ADAMTS2: variants seen among roughly 807,000 people sequenced by gnomAD.
The protein encoded by ADAMTS2 is A disintegrin and metalloproteinase with thrombospondin motifs 2.
Under a neutral mutation model 123.0 loss-of-function variants are expected in ADAMTS2, and 50 were observed. That is an observed-to-expected ratio of 0.41 (90% confidence interval 0.32 to 0.51). ADAMTS2 has a LOEUF of 0.51. Ranked by LOEUF, ADAMTS2 falls within the 20% of genes least tolerant of loss-of-function variation. The pLI, the probability that ADAMTS2 is intolerant of heterozygous loss-of-function variation, is 0.35. For missense variants in ADAMTS2, 1,494 were observed against 1,705.2 expected (o/e 0.88, Z 2.18); for synonymous variants, 678 against 695.4 (o/e 0.98, Z 0.39).
chr5:179,134,878 T>C (rs1314076035), intron 13 of ADAMTS2, among the ~76,000 whole-genome samples: 12 of 45,044 alleles, frequency 2.7e-4, no homozygotes, highest in South Asian at 8.3e-4. Context: ...CGGGTCCAGC[T>C]CCCGGCTCCA....
chr5:179,149,222 G>A (rs1052118813), intron 10 of ADAMTS2, among the ~76,000 whole-genome samples: 1 of 152,138 alleles, frequency 6.6e-6, no homozygotes, highest in Non-Finnish European at 1.5e-5. Flanking sequence ...GAGTGGGACT[G>A]ATGTCCTCAT....
chr5:179,256,206 C>T lies in ADAMTS2; in HGVS notation c.688+16705G>A, dbSNP rs950145783. ...CTTTCGCACAGGGCCCAGCAGCCAG[C>T]TCAGCCCACAGAACAGTAAGCCGCC... On this transcript the variant is annotated intron_variant, in intron 3 of 21. Coordinates refer to ENST00000251582, the MANE Select transcript of ADAMTS2 (RefSeq NM_014244.5). This position sits in a 1 kb window ranked among gnomAD's most constrained non-coding sequence, Gnocchi z 4.1. Among the ~76,000 whole-genome samples, 3 of 152,200 alleles carry T rather than the reference C, an allele frequency of 2.0e-5. No individual in the cohort carries two copies.
intron 6 of ADAMTS2, among the ~76,000 whole-genome samples, chr5:179,157,083 C>A (rs1370251135): frequency 6.6e-6 from 1 of 151,466 alleles, no homozygotes; most frequent in Non-Finnish European, 1.5e-5. Context: ...CCTGCCTCAG[C>A]CTCCTGAGTA....
At chr5:179,152,052 C>T in intron 10 of ADAMTS2, 90 bp downstream of exon 10, 1 of 1,228,024 alleles carries the variant, frequency 8.1e-7, no homozygotes, top group Non-Finnish European at 1.2e-6. Context: ...GCCCCCACCC[C>T]CACTTCAGGG....
At chr5:179,219,229 C>T (rs533958413) in intron 3 of ADAMTS2, among the ~76,000 whole-genome samples, 4 of 152,286 alleles carry the variant, frequency 2.6e-5, no homozygotes, top group South Asian at 2.1e-4. Flanking sequence ...GCAGCAGAGG[C>T]GAGAGATGAG....
At chr5:179,207,415 G>C in intron 4 of ADAMTS2, 98 bp downstream of exon 4, 1 of 1,293,746 alleles carries the variant, frequency 7.7e-7, no homozygotes, top group Non-Finnish European at 1.1e-6. Context: ...GAAATCGGCA[G>C]AGCCTCAGGG....
intron 2 of ADAMTS2, among the ~76,000 whole-genome samples, chr5:179,293,023 G>T (rs962586034): frequency 6.6e-6 from 1 of 152,178 alleles, no homozygotes; most frequent in Admixed American, 6.5e-5. Context: ...TCTGTTGTTG[G>T]GGGGAGAGGG....
intron 2 of ADAMTS2, among the ~76,000 whole-genome samples, chr5:179,325,335 G>A (rs956494047): frequency 4.6e-5 from 7 of 152,192 alleles, no homozygotes; most frequent in South Asian, 2.1e-4. Flanking sequence ...GGGAGACCGC[G>A]TGCTTATCAT....
chr5:179,286,640 G>T (rs1165951217), intron 2 of ADAMTS2, among the ~76,000 whole-genome samples: 3 of 152,132 alleles, frequency 2.0e-5, no homozygotes, highest in Non-Finnish European at 4.4e-5. Flanking sequence ...AGGAGATGCT[G>T]CCCAGGTAGA....
intron 3 of ADAMTS2, among the ~76,000 whole-genome samples, chr5:179,266,464 G>A (rs1194620117): frequency 6.6e-6 from 1 of 152,282 alleles, no homozygotes; most frequent in East Asian, 1.9e-4. Context: ...GCCAAGGAAC[G>A]CCAACAGCCC....
At chr5:179,249,803 G>A (rs1765878282) in intron 3 of ADAMTS2, among the ~76,000 whole-genome samples, 1 of 152,190 alleles carries the variant, frequency 6.6e-6, no homozygotes, top group African/African-American at 2.4e-5. Flanking sequence ...GCTTTACTGG[G>A]AATTCTACCT....
At position 179,129,862 on chromosome 5, in the gene ADAMTS2, C is replaced by T. The variant is rs1762928067; in HGVS notation, c.2457+70G>A. ...CTGAAGGGTCAGGAGGCTCAGCGTC[C>T]CAGGCACCCCCATCCCTCCCCCAGT... On this transcript the variant is annotated intron_variant, in intron 16 of 21. Transcript: ENST00000251582. The surrounding 1 kb of genome is among the most constrained non-coding windows in gnomAD (Gnocchi z 4.1). 2 of 1,597,074 alleles carry T rather than the reference C, an allele frequency of 1.3e-6. No homozygotes were observed. The highest frequency in any genetic ancestry group is 1.1e-5 in the South Asian group (1 of 90,552).
rs377317072 is a variant in ADAMTS2, at chr5:179,185,667, C to G, written c.892-4512G>C. ...GGGCATGGAACTCCCTGGGATAGAC[C>G]GTCAGCCTCACATTCTGCTTGGAGG... On this transcript the variant is annotated intron_variant, in intron 4 of 21. Coordinates refer to ENST00000251582, the MANE Select transcript of ADAMTS2 (RefSeq NM_014244.5). The surrounding 1 kb of genome is among the most constrained non-coding windows in gnomAD (Gnocchi z 5.9). Among the ~76,000 whole-genome samples the G allele has an allele frequency of 6.6e-5, 10 of 151,448 alleles. No individual in the cohort carries two copies. Among genetic ancestry groups the G allele is most frequent in the African/African-American group, 2.2e-4 (9 of 40,836 alleles).
chr5:179,295,435 C>T (rs1262174052), intron 2 of ADAMTS2, among the ~76,000 whole-genome samples: 5 of 152,218 alleles, frequency 3.3e-5, no homozygotes, highest in African/African-American at 9.6e-5. Context: ...CAAGCTCCCT[C>T]GTCCTGCCCG....
At chr5:179,154,749 G>A (rs1763435518) in intron 7 of ADAMTS2, 65 bp downstream of exon 7, 2 of 1,339,244 alleles carry the variant, frequency 1.5e-6, no homozygotes, top group Non-Finnish European at 2.1e-6. Context: ...GAGGAGAAGT[G>A]GGCAGCCAGG....
intron 10 of ADAMTS2, among the ~76,000 whole-genome samples, chr5:179,148,627 G>C (rs928644831): frequency 1.3e-5 from 2 of 152,164 alleles, no homozygotes; most frequent in African/African-American, 4.8e-5. Context: ...GTCCTCCTGT[G>C]TCCATGCCTG....
intron 3 of ADAMTS2, among the ~76,000 whole-genome samples, chr5:179,238,872 C>T (rs1261137742): frequency 3.3e-5 from 5 of 152,052 alleles, no homozygotes; most frequent in Admixed American, 2.0e-4. Context: ...GACCACGGAC[C>T]GCCCCAGGAC....
intron 3 of ADAMTS2, among the ~76,000 whole-genome samples, chr5:179,210,867 A>G (rs1764834513): frequency 6.6e-6 from 1 of 152,096 alleles, no homozygotes; most frequent in Admixed American, 6.5e-5. Context: ...ATTGACCCTG[A>G]CCCTGTCAAT....
chr5:179,301,886 C>A (rs571898191), intron 2 of ADAMTS2, among the ~76,000 whole-genome samples: 1 of 152,248 alleles, frequency 6.6e-6, no homozygotes, highest in East Asian at 1.9e-4. Context: ...CGGGATGCCC[C>A]GCTCACAGCG....
Sources: gnomAD v4.1 joint callset for allele counts (sites outside exome capture counted in the v4.1 genomes callset) on GRCh38, gnomAD v4.1.1 for gene constraint, Gnocchi (gnomAD v3.1) non-coding constraint, MANE v1.5 for transcripts, NCBI Gene and HGNC (gene_info 2026-07-23, HGNC 2026-07-21) for gene names.